The following NT5M variants were observed in gnomAD, a reference collection of about 807,000 sequenced individuals.
NT5M encodes the protein 5',3'-nucleotidase, mitochondrial, also known as 5'(3')-deoxyribonucleotidase, mitochondrial.
Under a neutral mutation model 22.2 loss-of-function variants are expected in NT5M, and 22 were observed. That is an observed-to-expected ratio of 0.99 (90% confidence interval 0.71 to 1.41). NT5M has a LOEUF of 1.41. NT5M is among the 40% of genes most tolerant of loss of function. The probability of loss-of-function intolerance (pLI) is 0.00; values close to 1 mark genes in which losing one functional copy is unlikely to be tolerated. For missense variants in NT5M, 322 were observed against 314.8 expected, an observed-to-expected ratio of 1.02 and a Z score of -0.17; for synonymous variants, 167 against 133.0, an observed-to-expected ratio of 1.26 and a Z score of -1.76.
chr17:17,303,800 C>T lies in NT5M; in HGVS notation c.250C>T (p.Leu84=), dbSNP rs751847655. ...GFWVSEQYGR[L]RPGLSEKAIS... is the part of the protein sequence containing the mutation. The stretch of plus-strand genomic sequence containing the variant: ...CTGGGTGTCGGAGCAGTACGGCCGC[C>T]TGCGGCCAGGGCTGAGCGTGAGCGT... Residue 84 remains leucine, a synonymous_variant, in exon 1 of 5, where the codon CTG becomes TTG. Transcript: ENST00000389022. 6 of 1,541,392 alleles carry T rather than the reference C, an allele frequency of 3.9e-6. No individual in the cohort carries two copies. In the South Asian group the frequency reaches 6.0e-5, roughly 15 times the overall value.
At chr17:17,324,467 G>A (rs1456343528) in intron 3 of NT5M, among the ~76,000 whole-genome samples, 2 of 147,628 alleles carry the variant, frequency 1.4e-5, no homozygotes, top group Non-Finnish European at 3.0e-5. Context: ...CTGGGTGACA[G>A]AGCGAGACTG....
intron 2 of NT5M, among the ~76,000 whole-genome samples, chr17:17,309,885 C>T (rs2048889403): frequency 6.7e-6 from 1 of 149,034 alleles, no homozygotes; most frequent in East Asian, 2.0e-4. Context: ...AGTGCAGTGG[C>T]ACAATCTTGG....
chr17:17,310,539 A>G (rs2048901248), intron 2 of NT5M, among the ~76,000 whole-genome samples: 1 of 152,172 alleles, frequency 6.6e-6, no homozygotes, highest in East Asian at 1.9e-4. Context: ...CAATAAGCAC[A>G]TAAAAAGATG....
chr17:17,316,150 C>T (rs935014497), intron 2 of NT5M, among the ~76,000 whole-genome samples: 8 of 150,732 alleles, frequency 5.3e-5, no homozygotes, highest in Non-Finnish European at 1.0e-4. Context: ...CTGTATCTCC[C>T]GGGTAAAAGC....
At position 17,344,895 on chromosome 17, in the gene NT5M, G is replaced by T; in HGVS notation, c.531G>T (p.Arg177=). ...VVSADLLIDD[R]PDITGAEPTP... is the part of the protein sequence containing the mutation. ...CTGCTGACCTTCTCATAGACGACCG[G>T]CCGGACATCACAGGCAAGTGGCCTG... Residue 177 remains arginine, a synonymous_variant, in exon 4 of 5, where the codon CGG becomes CGT. Coordinates refer to ENST00000389022, the MANE Select transcript of NT5M (RefSeq NM_020201.4). The T allele has an allele frequency of 1.2e-6, 2 of 1,614,172 alleles. No homozygotes were observed. The highest frequency in any genetic ancestry group is 1.7e-6 in the Non-Finnish European group (2 of 1,180,006).
At chr17:17,310,164 T>C (rs1425823144) in intron 2 of NT5M, among the ~76,000 whole-genome samples, 1 of 152,036 alleles carries the variant, frequency 6.6e-6, no homozygotes, top group Admixed American at 6.6e-5. Context: ...GAAATTGAAA[T>C]GAAAGTCTAC....
At chr17:17,316,385 A>C (rs1439564180) in intron 2 of NT5M, among the ~76,000 whole-genome samples, 1 of 136,644 alleles carries the variant, frequency 7.3e-6, no homozygotes, top group Non-Finnish European at 1.6e-5. Context: ...TTATTTATTT[A>C]TTTATTCGAG....
At position 17,306,473 on chromosome 17, in the gene NT5M, A is replaced by G. The variant is rs558392116; in HGVS notation, c.268-70A>G. 94 of 1,058,020 alleles carry G rather than the reference A, an allele frequency of 8.9e-5. No homozygotes were observed. The Middle Eastern group carries it at 2.4e-3, about 27-fold the overall frequency. 65.5% of individuals were successfully genotyped at this position (1,058,020 alleles called of 1,614,324 possible). A position where few individuals can be genotyped will look rare whatever the true frequency, so the allele number is the denominator to read the frequency against. ...GAACCACTCCCCCTATAGCCTGGCC[A>G]TACTCCCCAAGATGAGGGCAGTAAG... On this transcript the variant is annotated intron_variant, in intron 1 of 4. Coordinates refer to ENST00000389022, the MANE Select transcript of NT5M (RefSeq NM_020201.4).
At chr17:17,337,796 G>C (rs1297231918) in intron 3 of NT5M, among the ~76,000 whole-genome samples, 2 of 152,138 alleles carry the variant, frequency 1.3e-5, no homozygotes, top group Non-Finnish European at 2.9e-5. Flanking sequence ...ATGTATTCTG[G>C]TTATTAATCC....
At chr17:17,345,899 G>A (rs568498848) in intron 4 of NT5M, among the ~76,000 whole-genome samples, 4 of 152,298 alleles carry the variant, frequency 2.6e-5, no homozygotes, top group African/African-American at 9.6e-5. Context: ...GGCTTTGGCC[G>A]GCCAAATCTA....
At position 17,340,816 on chromosome 17, in the gene NT5M, G is replaced by T. The variant is rs562145182; in HGVS notation, c.430-3978G>T. Among the ~76,000 whole-genome samples the T allele has an allele frequency of 2.6e-5, 4 of 152,160 alleles. No individual in the cohort carries two copies. The South Asian group carries it at 8.3e-4, about 32-fold the overall frequency. On this transcript the variant is annotated intron_variant, in intron 3 of 4. Coordinates refer to ENST00000389022, the MANE Select transcript of NT5M (RefSeq NM_020201.4). The stretch of plus-strand genomic sequence containing the variant: ...CTGGGATTACAGTGTGAGCCACCGC[G>T]CCCGGCCTGCTCTTGTTTTTCTGTT...
chr17:17,316,708 G>A (rs2049036184), intron 2 of NT5M, among the ~76,000 whole-genome samples: 1 of 141,104 alleles, frequency 7.1e-6, no homozygotes, highest in African/African-American at 2.7e-5. Context: ...GTTTTGTTTT[G>A]TTTTGTTTTG....
chr17:17,323,216 A>G lies in NT5M; in HGVS notation c.400A>G (p.Lys134Glu). ...TDVFICTSPI[K>E]MFKYCPYEKY... ...CGTCTTCATCTGCACAAGCCCCATC[A>G]AGATGTTCAAGTACTGTCCCTATGA... Residue 134 changes from lysine to glutamate, a missense_variant, in exon 3 of 5, where the codon AAG (lysine) becomes GAG (glutamate). Physicochemically the swap from Lys to Glu is moderately conservative, Grantham distance 56 (BLOSUM62 1). Coordinates refer to ENST00000389022, the MANE Select transcript of NT5M (RefSeq NM_020201.4). The G allele has an allele frequency of 6.2e-7, 1 of 1,614,094 alleles. No individual in the cohort carries two copies. Among genetic ancestry groups the G allele is most frequent in the South Asian group, 1.1e-5 (1 of 91,090 alleles).
intron 3 of NT5M, among the ~76,000 whole-genome samples, chr17:17,338,677 G>GTT (rs59650601): frequency 1.1e-3 from 81 of 73,200 alleles, no homozygotes; most frequent in East Asian, 3.4e-3. Flanking sequence ...AATGTTAAGG[G>GTT]TTTTTTTTTT....
rs1193331297 is a variant in NT5M, at chr17:17,303,390, T to G, written c.-161T>G. On this transcript the variant is annotated 5_prime_UTR_variant, in exon 1 of 5. Transcript: ENST00000389022. ...GCGGCCTCGCTCTGGGGCCGGTACT[T>G]GCGCGCCCGCACCCCGCGCTCCCCG... 1 of 879,636 alleles carries G rather than the reference T, an allele frequency of 1.1e-6. No individual in the cohort carries two copies. Among genetic ancestry groups the G allele is most frequent in the African/African-American group, 1.8e-5 (1 of 55,096 alleles). The allele number at this position is 879,636 out of a possible 1,614,324, so 54.5% of individuals were successfully genotyped here.
intron 2 of NT5M, among the ~76,000 whole-genome samples, 193 bp downstream of exon 2, chr17:17,306,836 T>G (rs769253490): frequency 5.9e-5 from 9 of 152,244 alleles, no homozygotes; most frequent in Non-Finnish European, 1.3e-4. Flanking sequence ...TAGGCTGTGA[T>G]GTTTTGATCC....
At chr17:17,310,945 G>T (rs1464129524) in intron 2 of NT5M, among the ~76,000 whole-genome samples, 1 of 152,088 alleles carries the variant, frequency 6.6e-6, no homozygotes, top group Non-Finnish European at 1.5e-5. Flanking sequence ...GATCACCTGA[G>T]GTCAGGAGTT....
At chr17:17,330,142 T>TA (rs755723565) in intron 3 of NT5M, among the ~76,000 whole-genome samples, 1 of 151,712 alleles carries the variant, frequency 6.6e-6, no homozygotes, top group Non-Finnish European at 1.5e-5. Context: ...CTACTAAAAA[T>TA]ACAAAAAATT....
intron 3 of NT5M, among the ~76,000 whole-genome samples, chr17:17,328,486 C>T (rs991294881): frequency 6.6e-6 from 1 of 152,098 alleles, no homozygotes; most frequent in Non-Finnish European, 1.5e-5. Flanking sequence ...GTACTTCTTC[C>T]CTGGCTGAGG....
Sources: gnomAD v4.1 joint callset for allele counts (sites outside exome capture counted in the v4.1 genomes callset) on GRCh38, gnomAD v4.1.1 for gene constraint, MANE v1.5 for transcripts, NCBI Gene and HGNC (gene_info 2026-07-23, HGNC 2026-07-21) for gene names.